Variants in NUP153 observed in about 807,000 individuals in gnomAD.
NUP153 encodes nucleoporin 153, also known as nuclear pore complex protein Nup153.
Under a neutral mutation model 134.6 loss-of-function variants are expected in NUP153, and 27 were observed. The observed-to-expected ratio is 0.20, with a 90% CI of 0.15 to 0.28. The LOEUF (loss-of-function observed/expected upper bound fraction) is 0.28. NUP153 is among the 10% of genes least tolerant of loss of function. The pLI, the probability that NUP153 is intolerant of heterozygous loss-of-function variation, is 1.00. For synonymous variants in NUP153, 640 were observed against 623.5 expected, an observed-to-expected ratio of 1.03 and a Z score of -0.40; for missense variants, 1,821 against 1,731.3, an observed-to-expected ratio of 1.05 and a Z score of -0.92.
At chr6:17,684,578 T>C (rs754707742) in intron 2 of NUP153, among the ~76,000 whole-genome samples, 1 of 152,234 alleles carries the variant, frequency 6.6e-6, no homozygotes, top group Non-Finnish European at 1.5e-5. Flanking sequence ...CTTTGTGTGT[T>C]TACTAGAGCA....
At chr6:17,654,092 T>C (rs1156679807) in intron 11 of NUP153, among the ~76,000 whole-genome samples, 1 of 152,232 alleles carries the variant, frequency 6.6e-6, no homozygotes, top group Non-Finnish European at 1.5e-5. Flanking sequence ...ACTGTGTGTA[T>C]ACGCTGCACA....
intron 17 of NUP153, among the ~76,000 whole-genome samples, chr6:17,631,875 G>A (rs1765273050): frequency 6.6e-6 from 1 of 152,234 alleles, no homozygotes; most frequent in Admixed American, 6.5e-5. Flanking sequence ...GCTGAAGCAG[G>A]AGAATGGCAT....
In NUP153 at chr6:17,638,032, C is replaced by T. The variant is rs992038803; in HGVS notation, c.1847-262G>A. Among the ~76,000 whole-genome samples the T allele has an allele frequency of 5.9e-5, 9 of 152,206 alleles. No homozygotes were observed. Among genetic ancestry groups the T allele is most frequent in the African/African-American group, 2.2e-4 (9 of 41,456 alleles). ...CCTTCAAGGAATTTCTAGTTTGATG[C>T]TTTCAATGGTACTAATTTACTGATA... On this transcript the variant is annotated intron_variant, in intron 15 of 21. Coordinates refer to ENST00000262077, the MANE Select transcript of NUP153 (RefSeq NM_005124.4). The surrounding 1 kb of genome is among the most constrained non-coding windows in gnomAD (Gnocchi z 4.0).
intron 1 of NUP153, among the ~76,000 whole-genome samples, chr6:17,701,497 A>T (rs971306268): frequency 2.0e-5 from 3 of 151,596 alleles, no homozygotes; most frequent in African/African-American, 7.3e-5. Flanking sequence ...CCCTGTCTCT[A>T]CTAAAAATAC....
chr6:17,628,871 G>T lies in NUP153; in HGVS notation c.3328C>A (p.Pro1110Thr). The T allele has an allele frequency of 6.2e-7, 1 of 1,614,176 alleles. No individual in the cohort carries two copies. The highest frequency in any genetic ancestry group is 8.5e-7 in the Non-Finnish European group (1 of 1,180,008). Residue 1110 changes from proline (P) to threonine (T), a missense_variant, in exon 18 of 22, where the codon CCT becomes ACT. Transcript: ENST00000262077. The surrounding 1 kb of genome is among the most constrained non-coding windows in gnomAD (Gnocchi z 5.4). ...AAAACTAGGGAAGTAGAAGTGACAGGCTCTTGCTGTTTCTCTTCTGTCCTT... is the reference window on the plus strand; with the variant it reads ...AAAACTAGGGAAGTAGAAGTGACAGTCTCTTGCTGTTTCTCTTCTGTCCTT... ...LGRTEEKQQE[P>T]VTSTSLVFGK...
At chr6:17,693,657 C>T (rs552473892) in intron 1 of NUP153, among the ~76,000 whole-genome samples, 1 of 152,254 alleles carries the variant, frequency 6.6e-6, no homozygotes, top group Admixed American at 6.5e-5. Flanking sequence ...GAGGCCGAGG[C>T]GGGCAGATCA....
chr6:17,662,881 C>G (rs915184684), intron 9 of NUP153, among the ~76,000 whole-genome samples: 3 of 152,100 alleles, frequency 2.0e-5, no homozygotes, highest in Non-Finnish European at 4.4e-5. Flanking sequence ...AAATAACTGG[C>G]TTCTATACTT....
rs747201274 is a variant in NUP153 at position 17,675,564 on chromosome 6, T to A, written c.541A>T (p.Ile181Phe). 1 of 1,613,876 alleles carries A rather than the reference T, an allele frequency of 6.2e-7. No individual in the cohort carries two copies. The highest frequency in any genetic ancestry group is 8.5e-7 in the Non-Finnish European group (1 of 1,179,868). Residue 181 changes from isoleucine to phenylalanine, a missense_variant, in exon 3 of 22, where the codon ATC becomes TTC. Ile to Phe is a conservative substitution (Grantham distance 21). Coordinates refer to ENST00000262077, the MANE Select transcript of NUP153 (RefSeq NM_005124.4). The surrounding 1 kb of genome is among the most constrained non-coding windows in gnomAD (Gnocchi z 4.4). ...DSTSQHDDDNISTTSGFSSRA... is the reference protein window; with the variant it reads ...DSTSQHDDDNFSTTSGFSSRA... ...GAAGAAAAACCACTGGTAGTTGAGA[T>A]GTTATCATCATCATGCTGAGAGGTA... is the stretch of plus-strand genomic sequence containing the variant.
At chr6:17,682,180 C>T (rs1768620761) in intron 2 of NUP153, among the ~76,000 whole-genome samples, 1 of 152,180 alleles carries the variant, frequency 6.6e-6, no homozygotes, top group Non-Finnish European at 1.5e-5. Context: ...TATGTTTACA[C>T]TACACTATAG....
At chr6:17,651,627 A>C (rs543126380) in intron 11 of NUP153, among the ~76,000 whole-genome samples, 2 of 152,192 alleles carry the variant, frequency 1.3e-5, no homozygotes, top group Non-Finnish European at 2.9e-5. Flanking sequence ...AAGCATAAGA[A>C]GGCTTATTCC....
chr6:17,619,670 C>A (rs929142956), intron 20 of NUP153: 4 of 152,122 alleles, frequency 2.6e-5, no homozygotes, highest in African/African-American at 7.2e-5. Flanking sequence ...AAAGAGAACA[C>A]AAACAAATGT....
In NUP153 at chr6:17,637,408, G is replaced by A. The variant is rs374127744; in HGVS notation, c.2209C>T (p.Pro737Ser). 3 of 1,614,146 alleles carry A rather than the reference G, an allele frequency of 1.9e-6. No homozygotes were observed. Among genetic ancestry groups the A allele is most frequent in the East Asian group, 4.5e-5 (2 of 44,888 alleles). The change falls in exon 16 of 22, where the codon CCT becomes TCT. Residue 737 changes from proline (P) to serine (S), a missense_variant. Pro to Ser is a moderately conservative substitution (Grantham distance 74). Transcript: ENST00000262077. ...CAGGCTACACATTTTATTGCTTCAGGTTTATTTTGCACTAAACAGGTATCA... is the reference window on the plus strand; with the variant it reads ...CAGGCTACACATTTTATTGCTTCAGATTTATTTTGCACTAAACAGGTATCA... Reference protein sequence around the residue: ...DCDTCLVQNKPEAIKCVACET... With the variant: ...DCDTCLVQNKSEAIKCVACET...
At chr6:17,660,673 C>A (rs539303607) in intron 11 of NUP153, among the ~76,000 whole-genome samples, 3 of 151,876 alleles carry the variant, frequency 2.0e-5, no homozygotes, top group Admixed American at 6.6e-5. Flanking sequence ...AAAAAACACA[C>A]AAAAGGATGC....
At chr6:17,668,853 AG>A (rs1241305295) in intron 8 of NUP153, 121 bp downstream of exon 8, 2 of 672,840 alleles carry the variant, frequency 3.0e-6, no homozygotes, top group African/African-American at 3.9e-5. Context: ...AAAAAAAAAA[AG>A]AATATTATTT....
chr6:17,618,659 G>A (rs970917170), intron 20 of NUP153, among the ~76,000 whole-genome samples: 21 of 150,966 alleles, frequency 1.4e-4, no homozygotes, highest in African/African-American at 4.9e-4. Flanking sequence ...TCCACCTCCC[G>A]AGTTCACGCC....
rs1461392891 is a variant in NUP153, at chr6:17,615,801, C to T, written c.*296G>A. ...AGAGGTTCTATACAAAGCCATTCAC[C>T]GTGCAGGCTCCATTCCTGGGTACAG... On this transcript the variant is annotated 3_prime_UTR_variant, in exon 22 of 22. Coordinates refer to ENST00000262077, the MANE Select transcript of NUP153 (RefSeq NM_005124.4). This position sits in a 1 kb window ranked among gnomAD's most constrained non-coding sequence, Gnocchi z 5.7. 4.2e-5 allele frequency: 13 copies of T among 309,330 alleles called. No individual in the cohort carries two copies. The highest frequency in any genetic ancestry group is 8.7e-5 in the African/African-American group (4 of 46,226). The allele number at this position is 309,330 out of a possible 1,614,324, so 19.2% of individuals were successfully genotyped here.
At chr6:17,645,995 T>C (rs935756763) in intron 14 of NUP153, 72 bp downstream of exon 14, 3 of 568,734 alleles carry the variant, frequency 5.3e-6, no homozygotes, top group Non-Finnish European at 9.3e-6. Flanking sequence ...TTACCAAAGG[T>C]GAAAGAAGCT....
chr6:17,617,204 T>C (rs1764378181), intron 20 of NUP153, among the ~76,000 whole-genome samples: 1 of 152,130 alleles, frequency 6.6e-6, no homozygotes, highest in Non-Finnish European at 1.5e-5. Context: ...ACAACTTACC[T>C]ATGACCAAGG....
intron 17 of NUP153, among the ~76,000 whole-genome samples, chr6:17,632,102 T>A (rs1197884619): frequency 6.6e-6 from 1 of 152,114 alleles, no homozygotes; most frequent in Non-Finnish European, 1.5e-5. Context: ...CCACAGCCTG[T>A]ATCGCTTTTA....
Sources: allele counts gnomAD v4.1 joint callset (sites outside exome capture counted in the v4.1 genomes callset), GRCh38; gene constraint gnomAD v4.1.1; non-coding constraint Gnocchi (gnomAD v3.1); transcripts MANE v1.5; gene names NCBI Gene and HGNC (gene_info 2026-07-23, HGNC 2026-07-21).